The following PTBP2 variants were observed in gnomAD, a reference collection of about 807,000 sequenced individuals.
The protein encoded by PTBP2 is polypyrimidine tract binding protein 2.
A neutral mutation model predicts 61.4 loss-of-function variants in PTBP2; 13 were observed. That is an observed-to-expected ratio of 0.21 (90% CI 0.14 to 0.34). The LOEUF (loss-of-function observed/expected upper bound fraction) is 0.34, where lower values mean the gene tolerates loss of function less well. PTBP2 is among the 10% of genes least tolerant of loss of function. The pLI, the probability that PTBP2 is intolerant of heterozygous loss-of-function variation, is 1.00. For synonymous variants in PTBP2, 215 were observed against 218.5 expected, an observed-to-expected ratio of 0.98 and a Z score of 0.14; for missense variants, 405 against 642.6, an observed-to-expected ratio of 0.63 and a Z score of 4.00.
intron 8 of PTBP2, among the ~76,000 whole-genome samples, chr1:96,795,651 G>T (rs1003245650): frequency 6.6e-6 from 1 of 152,172 alleles, no homozygotes; most frequent in African/African-American, 2.4e-5. Context: ...CAGTAGTTAC[G>T]TACTGTTATT....
intron 8 of PTBP2, among the ~76,000 whole-genome samples, chr1:96,804,043 A>G (rs1324398765): frequency 2.0e-5 from 3 of 152,282 alleles, no homozygotes; most frequent in African/African-American, 7.2e-5. Context: ...TGACTTAAAG[A>G]TAGTAGGACA....
At chr1:96,739,630 T>G (rs866238544) in intron 2 of PTBP2, among the ~76,000 whole-genome samples, 140 of 143,458 alleles carry the variant, frequency 9.8e-4, no homozygotes, top group African/African-American at 3.4e-3. Context: ...TTTTTTTTTT[T>G]TTTTTTTTTT....
chr1:96,773,283 A>C (rs954361724), intron 5 of PTBP2, among the ~76,000 whole-genome samples: 1 of 152,124 alleles, frequency 6.6e-6, no homozygotes. Flanking sequence ...TTCCAGACAG[A>C]AGGAATAATC....
At chr1:96,732,686 T>G (rs1483066508) in intron 2 of PTBP2, among the ~76,000 whole-genome samples, 1 of 152,004 alleles carries the variant, frequency 6.6e-6, no homozygotes, top group African/African-American at 2.4e-5. Flanking sequence ...GAAAGATTGG[T>G]TTGGGTTGGT....
intron 2 of PTBP2, among the ~76,000 whole-genome samples, chr1:96,736,927 G>A (rs1307739325): frequency 1.6e-4 from 25 of 151,818 alleles, no homozygotes; most frequent in Admixed American, 1.6e-3. Flanking sequence ...TGATCCTCCT[G>A]CTTTAGCCTT....
chr1:96,786,519 A>G (rs998905688), intron 8 of PTBP2, among the ~76,000 whole-genome samples: 1 of 152,176 alleles, frequency 6.6e-6, no homozygotes, highest in Non-Finnish European at 1.5e-5. Context: ...TTTTAAAGGC[A>G]AAGTCAGGAA....
chr1:96,740,944 G>A (rs1652929981), intron 2 of PTBP2, among the ~76,000 whole-genome samples: 2 of 151,716 alleles, frequency 1.3e-5, no homozygotes, highest in South Asian at 4.1e-4. Context: ...ATTCTAACGT[G>A]TTAATATTAG....
chr1:96,787,177 C>G (rs569836779), intron 8 of PTBP2, among the ~76,000 whole-genome samples: 2 of 152,070 alleles, frequency 1.3e-5, no homozygotes, highest in South Asian at 2.1e-4. Flanking sequence ...TGTACCACCA[C>G]CCCTGGCTAA....
intron 8 of PTBP2, among the ~76,000 whole-genome samples, chr1:96,803,306 T>C (rs556972088): frequency 6.6e-6 from 1 of 152,046 alleles, no homozygotes. Flanking sequence ...ATTGTTAAAG[T>C]TGGGTGATGG....
intron 8 of PTBP2, among the ~76,000 whole-genome samples, chr1:96,798,336 G>A (rs957230749): frequency 1.7e-4 from 26 of 152,030 alleles, no homozygotes; most frequent in African/African-American, 6.0e-4. Context: ...AACCCAGGAG[G>A]TGGAGGTTGC....
At chr1:96,739,249 A>G (rs1346275646) in intron 2 of PTBP2, among the ~76,000 whole-genome samples, 2 of 152,110 alleles carry the variant, frequency 1.3e-5, no homozygotes, top group African/African-American at 2.4e-5. Context: ...AAACCCTGAT[A>G]TTTTCTTGTT....
chr1:96,817,565 A>G (rs1247396563), downstream of PTBP2: 2 of 152,110 alleles, frequency 1.3e-5, no homozygotes, highest in African/African-American at 2.4e-5. Flanking sequence ...CGGAAAAATA[A>G]AACCGTAATG....
intron 3 of PTBP2, among the ~76,000 whole-genome samples, chr1:96,763,640 G>GT (rs1271076203): frequency 2.0e-5 from 3 of 148,868 alleles, no homozygotes; most frequent in South Asian, 2.2e-4. Flanking sequence ...GGGCTGTTCT[G>GT]TTTTTTTAAC....
intron 10 of PTBP2, 112 bp from the exon 11 acceptor site, chr1:96,806,754 G>T: frequency 1.3e-6 from 1 of 763,116 alleles, no homozygotes. Flanking sequence ...GAGATTGAGT[G>T]ATCATGTTGA....
chr1:96,776,515 T>C (rs1275857073), intron 5 of PTBP2, among the ~76,000 whole-genome samples: 3 of 152,010 alleles, frequency 2.0e-5, no homozygotes, highest in Non-Finnish European at 4.4e-5. Flanking sequence ...AATATTTTAG[T>C]AAAATGACTT....
chr1:96,808,390 C>A (rs1661706918), intron 11 of PTBP2, among the ~76,000 whole-genome samples: 1 of 152,104 alleles, frequency 6.6e-6, no homozygotes, highest in African/African-American at 2.4e-5. Context: ...CATCTTCCCC[C>A]TGTGTCCTCA....
chr1:96,727,344 T>C, intron 2 of PTBP2, among the ~76,000 whole-genome samples: 1 of 152,220 alleles, frequency 6.6e-6, no homozygotes, highest in East Asian at 1.9e-4. Flanking sequence ...CTAATAAAAA[T>C]ATAGTTGTGA....
chr1:96,721,877 G>A lies in PTBP2; in HGVS notation c.8+5G>A. 1 of 1,575,906 alleles carries A rather than the reference G, an allele frequency of 6.3e-7. No homozygotes were observed. The highest frequency in any genetic ancestry group is 8.6e-7 in the Non-Finnish European group (1 of 1,160,660). The stretch of plus-strand genomic sequence containing the variant: ...GTCCGGTTCGGCAATGGACGGGTAT[G>A]TAATCGGGCCGGCGAGAAGGTGTGT... On this transcript the variant is annotated splice_donor_5th_base_variant and intron_variant, in intron 1 of 13. Transcript: ENST00000674951.
intron 11 of PTBP2, among the ~76,000 whole-genome samples, chr1:96,809,850 G>A (rs1282646887): frequency 6.6e-6 from 1 of 151,982 alleles, no homozygotes; most frequent in Admixed American, 6.6e-5. Flanking sequence ...TTAACTTTAA[G>A]AATAACAGTG....
Sources: allele counts gnomAD v4.1 joint callset (sites outside exome capture counted in the v4.1 genomes callset), GRCh38; gene constraint gnomAD v4.1.1; transcripts MANE v1.5; gene names NCBI Gene and HGNC (gene_info 2026-07-23, HGNC 2026-07-21).